The following DPP6 variants were observed in gnomAD, a reference collection of about 807,000 sequenced individuals.
DPP6 encodes the protein dipeptidyl peptidase like 6.
DPP6 carries 69 observed loss-of-function variants against 122.6 expected under a neutral mutation model. The observed-to-expected ratio is 0.56, with a 90% CI of 0.46 to 0.69. The LOEUF is 0.69. Among genes scored for constraint, DPP6 ranks in the 30% least tolerant of loss-of-function variants. The pLI is 0.00. For synonymous variants in DPP6, 418 were observed against 433.1 expected (o/e 0.97, Z 0.43); for missense variants, 928 against 1,116.9 (o/e 0.83, Z 2.41).
At chr7:153,920,221 A>G (rs1800565774) in intron 1 of DPP6, among the ~76,000 whole-genome samples, 1 of 151,974 alleles carries the variant, frequency 6.6e-6, no homozygotes, top group Admixed American at 6.6e-5. Context: ...TGACCTGCAG[A>G]CATGTCACTG....
At chr7:154,513,801 C>A (rs1826272192) in intron 3 of DPP6, among the ~76,000 whole-genome samples, 1 of 152,158 alleles carries the variant, frequency 6.6e-6, no homozygotes, top group East Asian at 1.9e-4. Flanking sequence ...CTGTCCAACC[C>A]TGGGCACGTG....
At chr7:154,753,717 ACAGGAGCGGT>A (rs994136295) in intron 8 of DPP6, among the ~76,000 whole-genome samples, 8 of 152,178 alleles carry the variant, frequency 5.3e-5, no homozygotes, top group African/African-American at 1.9e-4. Context: ...AAGGGCAGGG[ACAGGAGCGGT>A]CAGGAGTGGC....
intron 1 of DPP6, among the ~76,000 whole-genome samples, chr7:154,060,343 C>T (rs1364780519): frequency 8.2e-5 from 11 of 133,958 alleles, no homozygotes; most frequent in South Asian, 2.4e-4. Context: ...GGAGGCACCC[C>T]CCGCGAGGCA....
chr7:153,916,412 T>G (rs1387501152), intron 1 of DPP6, among the ~76,000 whole-genome samples: 1 of 83,072 alleles, frequency 1.2e-5, no homozygotes, highest in East Asian at 4.0e-4. Flanking sequence ...CCCTCCTCTC[T>G]CCTCCCCTCC....
At chr7:153,855,165 C>A in the DPP6 span, among the ~76,000 whole-genome samples, 6 of 148,460 alleles carry the variant, frequency 4.0e-5, no homozygotes, top group South Asian at 1.3e-3. Flanking sequence ...GTGCAGCGCA[C>A]CAGCATGGCA....
intron 1 of DPP6, among the ~76,000 whole-genome samples, chr7:154,141,254 C>T (rs116535750): frequency 0.019 from 2,834 of 152,246 alleles, 83 homozygotes; most frequent in African/African-American, 0.064. Flanking sequence ...TGCCTTCTGG[C>T]GAATTAAAAT....
intron 1 of DPP6, among the ~76,000 whole-genome samples, chr7:154,041,964 G>A (rs1443446326): frequency 6.6e-6 from 1 of 152,096 alleles, no homozygotes; most frequent in African/African-American, 2.4e-5. Context: ...TCACCATGTT[G>A]GCCAGGATGG....
intron 10 of DPP6, among the ~76,000 whole-genome samples, chr7:154,776,938 G>A (rs187554620): frequency 1.3e-3 from 203 of 152,318 alleles, no homozygotes; most frequent in African/African-American, 3.1e-3. Flanking sequence ...GCTAGCTCAC[G>A]AACCAAGAGG....
At chr7:154,568,617 T>C (rs1830918216) in intron 5 of DPP6, among the ~76,000 whole-genome samples, 1 of 152,096 alleles carries the variant, frequency 6.6e-6, no homozygotes, top group East Asian at 1.9e-4. Context: ...TTTGGAAGAG[T>C]GCCCTGGGAT....
chr7:154,609,659 T>A (rs1315060979), intron 5 of DPP6, among the ~76,000 whole-genome samples: 1 of 152,116 alleles, frequency 6.6e-6, no homozygotes, highest in Non-Finnish European at 1.5e-5. Flanking sequence ...ACATACATGC[T>A]CACACACAGC....
At chr7:154,354,030 G>A (rs1367777770) in intron 1 of DPP6, among the ~76,000 whole-genome samples, 1 of 152,168 alleles carries the variant, frequency 6.6e-6, no homozygotes, top group East Asian at 1.9e-4. Context: ...CAAGCACTGT[G>A]CTAAGCCCAG....
rs1165462265 is a variant in DPP6 at position 154,821,694 on chromosome 7, A to T, written c.1666+14582A>T. ...TATATATATACACACACATATATAT[A>T]TACACACACACATATATATATACAG... On this transcript the variant is annotated intron_variant, in intron 16 of 25. Coordinates refer to ENST00000377770, the MANE Select transcript of DPP6 (RefSeq NM_130797.4). The surrounding 1 kb of genome is among the most constrained non-coding windows in gnomAD (Gnocchi z 4.2). Among the ~76,000 whole-genome samples the T allele has an allele frequency of 2.7e-5, 4 of 148,782 alleles. No individual in the cohort carries two copies. The highest frequency in any genetic ancestry group is 9.8e-5 in the African/African-American group (4 of 40,808).
intron 1 of DPP6, among the ~76,000 whole-genome samples, chr7:154,317,930 C>T (rs1266148537): frequency 4.6e-5 from 7 of 152,194 alleles, no homozygotes; most frequent in African/African-American, 1.7e-4. Flanking sequence ...TTGCGAACCT[C>T]ATGGCTTGAA....
chr7:153,971,218 A>G (rs1796000096), intron 1 of DPP6, among the ~76,000 whole-genome samples: 1 of 152,130 alleles, frequency 6.6e-6, no homozygotes. Flanking sequence ...ATGAATTTTT[A>G]ACTTACTATT....
At chr7:154,814,018 T>A (rs1355104330) in intron 16 of DPP6, among the ~76,000 whole-genome samples, 1 of 151,130 alleles carries the variant, frequency 6.6e-6, no homozygotes, top group Non-Finnish European at 1.5e-5. Context: ...GTAGCTGGGA[T>A]TACAAGCGCC....
intron 17 of DPP6, among the ~76,000 whole-genome samples, chr7:154,867,737 G>C (rs1182537657): frequency 6.6e-6 from 1 of 152,156 alleles, no homozygotes; most frequent in Non-Finnish European, 1.5e-5. Flanking sequence ...AAAAACCTCT[G>C]GTGGGGGAAG....
intron 7 of DPP6, among the ~76,000 whole-genome samples, chr7:154,707,391 A>G (rs890835451): frequency 2.6e-5 from 4 of 152,196 alleles, no homozygotes; most frequent in African/African-American, 9.6e-5. Context: ...GCCATATCCT[A>G]GAGCTGCCTA....
At chr7:153,977,026 C>T (rs894966096) in intron 1 of DPP6, among the ~76,000 whole-genome samples, 6 of 152,252 alleles carry the variant, frequency 3.9e-5, no homozygotes, top group Non-Finnish European at 8.8e-5. Flanking sequence ...TCATTCTGCA[C>T]ACTTCTTCTA....
At chr7:154,235,909 G>A (rs917940314) in intron 1 of DPP6, among the ~76,000 whole-genome samples, 40 of 152,196 alleles carry the variant, frequency 2.6e-4, no homozygotes, top group African/African-American at 9.2e-4. Context: ...CTGGAGTGCG[G>A]TGGTGCAATC....
Sources: allele counts gnomAD v4.1 joint callset (sites outside exome capture counted in the v4.1 genomes callset), GRCh38; gene constraint gnomAD v4.1.1; non-coding constraint Gnocchi (gnomAD v3.1); transcripts MANE v1.5; gene names NCBI Gene and HGNC (gene_info 2026-07-23, HGNC 2026-07-21).